The following DCDC2C variants were observed in gnomAD, a reference collection of about 807,000 sequenced individuals.
DCDC2C encodes the protein doublecortin domain containing 2C.
A neutral mutation model predicts 45.0 loss-of-function variants in DCDC2C; 44 were observed. That is an observed-to-expected ratio of 0.98 (90% CI 0.77 to 1.26). DCDC2C has a LOEUF of 1.26. Among genes scored for constraint, DCDC2C ranks in the 50% most tolerant of loss-of-function variants. The pLI is 0.00. For synonymous variants in DCDC2C, 187 were observed against 178.8 expected (o/e 1.05, Z -0.37); for missense variants, 447 against 468.9 (o/e 0.95, Z 0.43).
intron 8 of DCDC2C, among the ~76,000 whole-genome samples, chr2:3,774,209 G>A (rs964967653): frequency 1.1e-4 from 16 of 152,194 alleles, no homozygotes; most frequent in African/African-American, 2.7e-4. Context: ...TAACTCAGAC[G>A]GAGGCCACTG....
chr2:3,741,591 AC>A (rs1336210624), intron 3 of DCDC2C, among the ~76,000 whole-genome samples: 1 of 152,048 alleles, frequency 6.6e-6, no homozygotes, highest in African/African-American at 2.4e-5. Flanking sequence ...GGACAAGAGA[AC>A]TTTTCCTGTT....
At chr2:3,798,058 A>T (rs1403519818) in intron 10 of DCDC2C, among the ~76,000 whole-genome samples, 1 of 152,020 alleles carries the variant, frequency 6.6e-6, no homozygotes, top group Admixed American at 6.6e-5. Flanking sequence ...GTGCTCCTGT[A>T]TTAGGTGCAT....
At chr2:3,797,348 GT>G (rs200451097) in intron 10 of DCDC2C, among the ~76,000 whole-genome samples, 55,934 of 150,710 alleles carry the variant, frequency 0.37, 11,100 homozygotes, top group East Asian at 0.52. Flanking sequence ...TTTTTGAAGG[GT>G]TTTTTGTGTC....
chr2:3,708,506 A>G, intron 1 of DCDC2C, 43 bp from the exon 2 acceptor site: 4 of 1,458,546 alleles, frequency 2.7e-6, no homozygotes, highest in Non-Finnish European at 3.7e-6. Flanking sequence ...TTCTATGTAA[A>G]TATCTTCCTT....
chr2:3,714,493 T>TC (rs1668299397), intron 2 of DCDC2C, among the ~76,000 whole-genome samples: 4 of 151,888 alleles, frequency 2.6e-5, no homozygotes, highest in Admixed American at 2.6e-4. Flanking sequence ...TTCAATGTTT[T>TC]TTCCCCCCAT....
chr2:3,816,527 G>A (rs1233245952), intron 10 of DCDC2C, among the ~76,000 whole-genome samples: 1 of 152,222 alleles, frequency 6.6e-6, no homozygotes, highest in African/African-American at 2.4e-5. Context: ...TAAAGGATTA[G>A]AAACGGCTAG....
intron 10 of DCDC2C, among the ~76,000 whole-genome samples, chr2:3,833,434 G>A (rs925393090): frequency 1.3e-5 from 2 of 152,202 alleles, no homozygotes; most frequent in African/African-American, 2.4e-5. Context: ...GACACAAGTA[G>A]GTCTTTCATT....
At chr2:3,727,429 A>ATT (rs113461369) in intron 3 of DCDC2C, among the ~76,000 whole-genome samples, 38 of 150,148 alleles carry the variant, frequency 2.5e-4, no homozygotes, top group African/African-American at 9.0e-4. Flanking sequence ...CTTTGTTTTG[A>ATT]TTTTTTTTTT....
At chr2:3,782,715 A>G (rs894449010) in intron 9 of DCDC2C, among the ~76,000 whole-genome samples, 4 of 152,062 alleles carry the variant, frequency 2.6e-5, no homozygotes, top group African/African-American at 9.7e-5. Flanking sequence ...TCCTGACCTC[A>G]TGATCCACCC....
rs564780769 is a variant in DCDC2C, at chr2:3,845,266, G to A, written c.1066-1888G>A. 5.3e-5 allele frequency among the ~76,000 whole-genome samples: 8 copies of A among 152,292 alleles called. No homozygotes were observed. The South Asian group carries it at 6.2e-4, about 12-fold the overall frequency. ...ACAAAAGGCACTAAGAAATGTTGGC[G>A]ACTCCAGTTACTCCATTTGGGTAGT... On this transcript the variant is annotated intron_variant, in intron 10 of 10. Coordinates refer to ENST00000399143, the MANE Select transcript of DCDC2C (RefSeq NM_001287444.2).
intron 10 of DCDC2C, among the ~76,000 whole-genome samples, chr2:3,827,365 G>A (rs1445063611): frequency 2.0e-5 from 3 of 152,062 alleles, no homozygotes; most frequent in East Asian, 1.9e-4. Context: ...GCCTGGGACC[G>A]GGGAGACAGG....
intron 10 of DCDC2C, among the ~76,000 whole-genome samples, chr2:3,832,387 C>T (rs187773865): frequency 1.8e-4 from 28 of 152,310 alleles, no homozygotes; most frequent in Middle Eastern, 3.4e-3. Context: ...CCAATCTACC[C>T]GTCTCCTTTG....
At chr2:3,741,529 C>A (rs550336606) in intron 3 of DCDC2C, among the ~76,000 whole-genome samples, 1 of 152,268 alleles carries the variant, frequency 6.6e-6, no homozygotes, top group Non-Finnish European at 1.5e-5. Context: ...GAGGTTTGAG[C>A]AGTGAGGCAC....
rs190352605 is a variant in DCDC2C at position 3,822,984 on chromosome 2, G to A, written c.1066-24170G>A. On this transcript the variant is annotated intron_variant, in intron 10 of 10. Coordinates refer to ENST00000399143, the MANE Select transcript of DCDC2C (RefSeq NM_001287444.2). ...GCCTGCTGCCATCCGTGTAAGGTGT[G>A]ACTTGTTCCTCCTTGCCTTCCACCA... Among the ~76,000 whole-genome samples, 4 of 152,232 alleles carry A rather than the reference G, an allele frequency of 2.6e-5. No individual in the cohort carries two copies. In the East Asian group the frequency reaches 7.7e-4, roughly 29 times the overall value.
At chr2:3,843,156 A>G (rs1672254663) in intron 10 of DCDC2C, among the ~76,000 whole-genome samples, 1 of 152,216 alleles carries the variant, frequency 6.6e-6, no homozygotes. Context: ...ATGTGTGTGC[A>G]TCGTATTCTC....
At chr2:3,796,892 T>A (rs1417414579) in intron 10 of DCDC2C, among the ~76,000 whole-genome samples, 3 of 152,126 alleles carry the variant, frequency 2.0e-5, no homozygotes, top group Non-Finnish European at 2.9e-5. Flanking sequence ...ATAAAATGAG[T>A]TACGGAGGAT....
intron 1 of DCDC2C, among the ~76,000 whole-genome samples, chr2:3,705,531 T>C (rs931124810): frequency 6.6e-6 from 1 of 152,238 alleles, no homozygotes; most frequent in African/African-American, 2.4e-5. Flanking sequence ...TCGATACATA[T>C]ATAATGAAAA....
chr2:3,833,670 A>G (rs1441420544), intron 10 of DCDC2C, among the ~76,000 whole-genome samples: 1 of 152,256 alleles, frequency 6.6e-6, no homozygotes, highest in East Asian at 1.9e-4. Context: ...TACTGCAGCC[A>G]AAAGATGAAC....
intron 3 of DCDC2C, among the ~76,000 whole-genome samples, chr2:3,730,701 T>C (rs1023989698): frequency 6.6e-6 from 1 of 152,146 alleles, no homozygotes; most frequent in Non-Finnish European, 1.5e-5. Flanking sequence ...AGGCTTCAAT[T>C]ATGCCTAATC....
Sources: gnomAD v4.1 joint callset for allele counts (sites outside exome capture counted in the v4.1 genomes callset) on GRCh38, gnomAD v4.1.1 for gene constraint, MANE v1.5 for transcripts, NCBI Gene and HGNC (gene_info 2026-07-23, HGNC 2026-07-21) for gene names.